Variants in TBC1D17 observed in about 807,000 individuals in gnomAD.
TBC1D17 encodes the protein TBC1 domain family, member 17.
TBC1D17 carries 69 observed loss-of-function variants against 78.8 expected under a neutral mutation model. The observed-to-expected ratio is 0.88, with a 90% CI of 0.72 to 1.07. TBC1D17 has a LOEUF of 1.07. TBC1D17 is among the 50% of genes least tolerant of loss of function. TBC1D17 has a pLI of 0.00. For synonymous variants in TBC1D17, 456 were observed against 358.3 expected (o/e 1.27, Z -3.08); for missense variants, 957 against 861.0 (o/e 1.11, Z -1.39).
Position 49,884,736 on chromosome 19 carries a change from C to T in TBC1D17, c.1422C>T (p.Asp474=). 6.2e-7 allele frequency: 1 copy of T among 1,613,902 alleles called. No individual in the cohort carries two copies. Among genetic ancestry groups the T allele is most frequent in the Non-Finnish European group, 8.5e-7 (1 of 1,179,996 alleles). ...TGCTGCTGCTCCTGAGGGTGCTGGA[C>T]CCCCTGCTCTGCGACTTCCTGGGTA... The part of the protein sequence containing the change: ...GRLLLLLRVL[D]PLLCDFLDSQ... Residue 474 remains aspartate (D), a synonymous_variant, in exon 13 of 17, where the codon GAC becomes GAT. Transcript: ENST00000221543.
chr19:49,883,517 G>A (rs1005821372), intron 9 of TBC1D17, 134 bp from the exon 10 acceptor site: 13 of 672,200 alleles, frequency 1.9e-5, no homozygotes, highest in Middle Eastern at 2.9e-4. Flanking sequence ...CAAGAATGAC[G>A]AGGTGACCTG....
Position 49,882,406 on chromosome 19 carries a change from T to C in TBC1D17, c.798+6T>C. ...GATTCGAGGTCATTTCCTGTGTGAG[T>C]AGTGAGTGGACCCTCCCTGTTATTT... is the stretch of plus-strand genomic sequence containing the variant. On this transcript the variant is annotated splice_donor_region_variant and intron_variant, in intron 7 of 16. Coordinates refer to ENST00000221543, the MANE Select transcript of TBC1D17 (RefSeq NM_024682.3). 1 of 1,600,386 alleles carries C rather than the reference T, an allele frequency of 6.2e-7. No homozygotes were observed. The highest frequency in any genetic ancestry group is 8.5e-7 in the Non-Finnish European group (1 of 1,176,770).
intron 15 of TBC1D17, 125 bp downstream of exon 15, chr19:49,887,959 TG>T: frequency 2.1e-6 from 2 of 963,908 alleles, no homozygotes; most frequent in Admixed American, 2.5e-5. Flanking sequence ...GGGAGCGCAG[TG>T]GGGGTGGGGC....
intron 1 of TBC1D17, 79 bp downstream of exon 1, chr19:49,877,823 T>G: frequency 6.8e-5 from 97 of 1,424,246 alleles, no homozygotes; most frequent in Non-Finnish European, 8.8e-5. Context: ...TCTCAGGCCT[T>G]GGCTCTCGAG....
At position 49,884,383 on chromosome 19, in the gene TBC1D17, C is replaced by T. The variant is rs1488527326; in HGVS notation, c.1243+14C>T. 1 of 1,614,034 alleles carries T rather than the reference C, an allele frequency of 6.2e-7. No homozygotes were observed. Among genetic ancestry groups the T allele is most frequent in the East Asian group, 2.2e-5 (1 of 44,884 alleles). ...ACTTCGACCTCGGTGGGTGCCAGGCCTGGGGACGGGCGTGGCCGGGGCTGT... is the reference window on the plus strand; with the variant it reads ...ACTTCGACCTCGGTGGGTGCCAGGCTTGGGGACGGGCGTGGCCGGGGCTGT... On this transcript the variant is annotated intron_variant, in intron 11 of 16. Coordinates refer to ENST00000221543, the MANE Select transcript of TBC1D17 (RefSeq NM_024682.3).
intron 10 of TBC1D17, 97 bp downstream of exon 10, chr19:49,883,842 C>A (rs1007982713): frequency 9.4e-7 from 1 of 1,059,798 alleles, no homozygotes; most frequent in Non-Finnish European, 1.4e-6. Flanking sequence ...GAGCCCCCTG[C>A]CTCCCCAAGA....
At position 49,881,913 on chromosome 19, in the gene TBC1D17, C is replaced by T. The variant is rs2075017619; in HGVS notation, c.528-128C>T. On this transcript the variant is annotated intron_variant, in intron 5 of 16. Coordinates refer to ENST00000221543, the MANE Select transcript of TBC1D17 (RefSeq NM_024682.3). ...TGTGGGCCTCCTTTAACAGCATTCCCTGAAATGAGGGGTTGCCCAGGGGTG... is the reference window on the plus strand; with the variant it reads ...TGTGGGCCTCCTTTAACAGCATTCCTTGAAATGAGGGGTTGCCCAGGGGTG... The T allele has an allele frequency of 9.7e-6, 8 of 820,990 alleles. No individual in the cohort carries two copies. The Admixed American group carries it at 1.6e-4, about 16-fold the overall frequency. The allele number at this position is 820,990 out of a possible 1,614,324, so 50.9% of individuals were successfully genotyped here.
chr19:49,888,299 C>T lies in TBC1D17; in HGVS notation c.1728C>T (p.Arg576=). 1 of 1,587,496 alleles carries T rather than the reference C, an allele frequency of 6.3e-7. No individual in the cohort carries two copies. The highest frequency in any genetic ancestry group is 8.6e-7 in the Non-Finnish European group (1 of 1,167,820). The change falls in exon 16 of 17, where the codon CGC becomes CGT. Residue 576 remains arginine (R), a synonymous_variant. Transcript: ENST00000221543. ...TGACCCGCGCCGAGGCCCTGCACCG[C>T]CAGCTAACCGCCTGCCCCGTGAGTC... is the stretch of plus-strand genomic sequence containing the variant. ...DVLTRAEALH[R]QLTACPELPH...
intron 5 of TBC1D17, 23 bp from the exon 6 acceptor site, chr19:49,882,018 G>A (rs1006963866): frequency 6.3e-7 from 1 of 1,596,070 alleles, no homozygotes; most frequent in Admixed American, 1.7e-5. Context: ...TGCATCACCT[G>A]TGCGTCACCT....
chr19:49,888,217 A>G lies in TBC1D17; in HGVS notation c.1660-14A>G. The G allele has an allele frequency of 6.4e-7, 1 of 1,565,026 alleles. No individual in the cohort carries two copies. The highest frequency in any genetic ancestry group is 8.7e-7 in the Non-Finnish European group (1 of 1,155,550). ...TTGAGTGCCGACTGGCGCCTGACCC[A>G]CCCCCTCCCGCAGCACATCAACGAG... On this transcript the variant is annotated splice_polypyrimidine_tract_variant and intron_variant, in intron 15 of 16. Transcript: ENST00000221543.
chr19:49,885,694 T>A (rs1160757202), intron 13 of TBC1D17, among the ~76,000 whole-genome samples: 1 of 150,940 alleles, frequency 6.6e-6, no homozygotes, highest in East Asian at 2.0e-4. Context: ...CTGGGCGCAA[T>A]GTCATCCTGG....
At chr19:49,885,974 C>CA (rs972298479) in intron 13 of TBC1D17, among the ~76,000 whole-genome samples, 3,421 of 41,784 alleles carry the variant, frequency 0.082, 91 homozygotes, top group African/African-American at 0.12. Context: ...GACCTTGCCT[C>CA]AAAAAAAAAA....
At chr19:49,887,163 A>C in intron 13 of TBC1D17, 1 of 387,010 alleles carries the variant, frequency 2.6e-6, no homozygotes, top group South Asian at 2.2e-5. Flanking sequence ...GCTACAGCGT[A>C]TCTAGGAGTG....
chr19:49,887,692 T>TC (rs1334200195), intron 14 of TBC1D17, 26 bp from the exon 15 acceptor site: 1 of 1,611,444 alleles, frequency 6.2e-7, no homozygotes, highest in Admixed American at 1.7e-5. Context: ...ATGACCTCCC[T>TC]CCCTCCCTCT....
intron 4 of TBC1D17, 70 bp from the exon 5 acceptor site, chr19:49,881,198 C>T (rs2075009296): frequency 7.0e-7 from 1 of 1,422,966 alleles, no homozygotes; most frequent in Non-Finnish European, 9.7e-7. Context: ...AAGGAACATC[C>T]TGGGTTGTGG....
At position 49,888,298 on chromosome 19, in the gene TBC1D17, G is replaced by A; in HGVS notation, c.1727G>A (p.Arg576His). The A allele has an allele frequency of 6.3e-7, 1 of 1,587,184 alleles. No homozygotes were observed. Among genetic ancestry groups the A allele is most frequent in the South Asian group, 1.1e-5 (1 of 87,296 alleles). ...CTGACCCGCGCCGAGGCCCTGCACC[G>A]CCAGCTAACCGCCTGCCCCGTGAGT... The part of the protein sequence containing the change: ...DVLTRAEALH[R>H]QLTACPELPH... The change falls in exon 16 of 17, where the codon CGC becomes CAC. Residue 576 changes from arginine to histidine, a missense_variant. Coordinates refer to ENST00000221543, the MANE Select transcript of TBC1D17 (RefSeq NM_024682.3).
intron 13 of TBC1D17, chr19:49,885,055 A>G (rs1385255384): frequency 5.0e-6 from 2 of 402,764 alleles, no homozygotes; most frequent in Admixed American, 7.9e-5. Context: ...CATTCCTGCC[A>G]CTTCTTATCC....
rs2075002856 is a variant in TBC1D17 at position 49,880,390 on chromosome 19, G to A, written c.307G>A (p.Glu103Lys). The change falls in exon 4 of 17, where the codon GAG becomes AAG. Residue 103 changes from glutamate to lysine, a missense_variant. Physicochemically the swap from Glu to Lys is moderately conservative, Grantham distance 56. Coordinates refer to ENST00000221543, the MANE Select transcript of TBC1D17 (RefSeq NM_024682.3). ...TGTGCGGCCACAGCTCTGCCACTCA[G>A]AGCCCACGAGAGGTAGGCTGAGGTG... ...STVRPQLCHSEPTRGAEPSCP... is the reference protein window; with the variant it reads ...STVRPQLCHSKPTRGAEPSCP... 1.2e-6 allele frequency: 2 copies of A among 1,613,778 alleles called. No individual in the cohort carries two copies. The highest frequency in any genetic ancestry group is 3.3e-5 in the Admixed American group (2 of 59,998).
intron 10 of TBC1D17, 143 bp downstream of exon 10, chr19:49,883,888 G>A: frequency 1.4e-6 from 1 of 727,078 alleles, no homozygotes; most frequent in East Asian, 2.6e-5. Context: ...AGCTGCATGG[G>A]CTGTTGGGGA....
Sources: gnomAD v4.1 joint callset for allele counts (sites outside exome capture counted in the v4.1 genomes callset) on GRCh38, gnomAD v4.1.1 for gene constraint, MANE v1.5 for transcripts, NCBI Gene and HGNC (gene_info 2026-07-23, HGNC 2026-07-21) for gene names.